Variants in DNAH11 observed in about 807,000 individuals in gnomAD.
DNAH11 encodes dynein axonemal heavy chain 11, also known as axonemal beta dynein heavy chain 11.
A neutral mutation model predicts 526.0 loss-of-function variants in DNAH11; 442 were observed. That is an observed-to-expected ratio of 0.84 (90% confidence interval 0.78 to 0.91). DNAH11 has a LOEUF of 0.91. Ranked by LOEUF, DNAH11 falls within the 40% of genes least tolerant of loss-of-function variation. The pLI is 0.00. For synonymous variants in DNAH11, 2,461 were observed against 1,935.9 expected, an observed-to-expected ratio of 1.27 and a Z score of -7.12; for missense variants, 6,989 against 5,448.7, an observed-to-expected ratio of 1.28 and a Z score of -8.90.
At position 21,840,645 on chromosome 7, in the gene DNAH11, A is replaced by G. The variant is rs544619734; in HGVS notation, c.10692-1899A>G. On this transcript the variant is annotated intron_variant, in intron 65 of 81. Coordinates refer to ENST00000409508, the MANE Select transcript of DNAH11 (RefSeq NM_001277115.2). Reference sequence around the variant, plus strand: ...TAGATCCTCATAGCAGGTTCCTAGCAGGAAAGAGACCATGAAGCTTGTATG... The same window carrying G: ...TAGATCCTCATAGCAGGTTCCTAGCGGGAAAGAGACCATGAAGCTTGTATG... Among the ~76,000 whole-genome samples the G allele has an allele frequency of 2.8e-4, 42 of 152,328 alleles. 2 individuals carry two copies. In the South Asian group the frequency reaches 8.5e-3, roughly 31 times the overall value.
At chr7:21,632,903 G>C (rs995526616) in intron 25 of DNAH11, among the ~76,000 whole-genome samples, 10 of 152,118 alleles carry the variant, frequency 6.6e-5, no homozygotes. Context: ...TCATTTTCAT[G>C]CTGCTGATAA....
intron 58 of DNAH11, among the ~76,000 whole-genome samples, chr7:21,786,184 G>C (rs1378641017): frequency 1.3e-5 from 2 of 152,112 alleles, no homozygotes; most frequent in African/African-American, 4.8e-5. Context: ...ATGTAAGACA[G>C]AAAAACAAAC....
chr7:21,682,033 G>A (rs1437934894), intron 31 of DNAH11, among the ~76,000 whole-genome samples: 1 of 152,158 alleles, frequency 6.6e-6, no homozygotes. Flanking sequence ...ACAGCCAATA[G>A]CAGTAAGATT....
At chr7:21,894,087 C>A (rs1186549413) in intron 77 of DNAH11, among the ~76,000 whole-genome samples, 2 of 152,172 alleles carry the variant, frequency 1.3e-5, no homozygotes, top group East Asian at 3.9e-4. Context: ...CAGAGTTTCA[C>A]CATGTTGGCC....
chr7:21,764,263 TAAAC>T (rs1390950856), intron 54 of DNAH11, among the ~76,000 whole-genome samples: 21 of 124,252 alleles, frequency 1.7e-4, no homozygotes, highest in Admixed American at 1.5e-3. Context: ...GCATATAAAA[TAAAC>T]AATAAAACAC....
Position 21,899,460 on chromosome 7 carries a change from C to A in DNAH11, c.13162+12C>A. The A allele has an allele frequency of 1.9e-6, 3 of 1,596,408 alleles. No homozygotes were observed. Among genetic ancestry groups the A allele is most frequent in the Non-Finnish European group, 2.6e-6 (3 of 1,165,032 alleles). ...GTCCTTCTTAACTGGTAAGGGCTGA[C>A]GCAGTGCAGCCCCTGATGCACACAG... On this transcript the variant is annotated intron_variant, in intron 80 of 81. Coordinates refer to ENST00000409508, the MANE Select transcript of DNAH11 (RefSeq NM_001277115.2).
At chr7:21,669,463 G>A (rs2128468877) in intron 30 of DNAH11, among the ~76,000 whole-genome samples, 1 of 152,238 alleles carries the variant, frequency 6.6e-6, no homozygotes, top group East Asian at 1.9e-4. Flanking sequence ...GAGCCACTGA[G>A]CCTGGTCTTT....
intron 65 of DNAH11, among the ~76,000 whole-genome samples, chr7:21,835,547 T>C (rs550734269): frequency 1.7e-4 from 26 of 152,130 alleles, no homozygotes; most frequent in African/African-American, 6.0e-4. Flanking sequence ...GAAAACAGCT[T>C]CGATAAAATT....
At chr7:21,801,105 A>G (rs777847103) in intron 61 of DNAH11, 32 bp from the exon 62 acceptor site, 2 of 1,578,256 alleles carry the variant, frequency 1.3e-6, no homozygotes, top group South Asian at 1.2e-5. Flanking sequence ...TTAACTAAAA[A>G]TGACTCAAAA....
chr7:21,778,485 C>A (rs11761422), intron 56 of DNAH11, among the ~76,000 whole-genome samples: 42,009 of 152,052 alleles, frequency 0.28, 7,658 homozygotes, highest in Non-Finnish European at 0.4. Flanking sequence ...TAATATGCAG[C>A]CAATTAATCT....
intron 14 of DNAH11, among the ~76,000 whole-genome samples, chr7:21,598,586 AAAATAAATAAATAAAT>A (rs57037889): frequency 6.0e-5 from 9 of 148,836 alleles, no homozygotes; most frequent in South Asian, 2.2e-4. Flanking sequence ...ATGGTATGCA[AAAATAAATAAATAAAT>A]AAATAAATAA....
chr7:21,580,606 T>A, intron 8 of DNAH11, among the ~76,000 whole-genome samples: 1 of 152,176 alleles, frequency 6.6e-6, no homozygotes. Flanking sequence ...AGGTTCAGTG[T>A]CTGGGGAGGG....
intron 45 of DNAH11, among the ~76,000 whole-genome samples, chr7:21,726,559 G>C (rs1481246379): frequency 5.3e-5 from 8 of 151,772 alleles, no homozygotes; most frequent in Admixed American, 5.2e-4. Flanking sequence ...AAGAATCTCA[G>C]CTATAAGAAT....
chr7:21,648,027 A>G (rs1438518507), intron 28 of DNAH11, among the ~76,000 whole-genome samples: 1 of 152,216 alleles, frequency 6.6e-6, no homozygotes, highest in South Asian at 2.1e-4. Flanking sequence ...TTAGCCAATC[A>G]TTAGAAGATG....
At chr7:21,564,828 G>C (rs749084583) in intron 6 of DNAH11, among the ~76,000 whole-genome samples, 1 of 151,860 alleles carries the variant, frequency 6.6e-6, no homozygotes, top group Non-Finnish European at 1.5e-5. Flanking sequence ...AAAAAATTCT[G>C]ATTCATTGCT....
At chr7:21,858,035 G>T (rs1327391452) in intron 68 of DNAH11, among the ~76,000 whole-genome samples, 1 of 151,982 alleles carries the variant, frequency 6.6e-6, no homozygotes, top group African/African-American at 2.4e-5. Context: ...ATAAAACAAA[G>T]AATTTGTATC....
intron 66 of DNAH11, among the ~76,000 whole-genome samples, chr7:21,849,279 C>T (rs1782534082): frequency 6.6e-6 from 1 of 152,222 alleles, no homozygotes; most frequent in Non-Finnish European, 1.5e-5. Flanking sequence ...TCCTTTATAA[C>T]ATTGCTGTCA....
In DNAH11 at chr7:21,613,858, A is replaced by G. The variant is rs190470409; in HGVS notation, c.3853-1256A>G. On this transcript the variant is annotated intron_variant, in intron 20 of 81. Coordinates refer to ENST00000409508, the MANE Select transcript of DNAH11 (RefSeq NM_001277115.2). Reference sequence around the variant, plus strand: ...CTCAGTGCAGCCTCAACCTTCCCTGATCTTACTTAGGTCATTCTCCCACCT... The same window carrying G: ...CTCAGTGCAGCCTCAACCTTCCCTGGTCTTACTTAGGTCATTCTCCCACCT... 2.1e-3 allele frequency among the ~76,000 whole-genome samples: 318 copies of G among 151,908 alleles called. 1 individual carries two copies. Among genetic ancestry groups the G allele is most frequent in the African/African-American group, 7.3e-3 (301 of 41,396 alleles).
intron 8 of DNAH11, among the ~76,000 whole-genome samples, chr7:21,578,278 G>T (rs1784176179): frequency 6.6e-6 from 1 of 152,178 alleles, no homozygotes. Flanking sequence ...TTCCAAATGG[G>T]AGAAATTGGC....
Sources: gnomAD v4.1 joint callset for allele counts (sites outside exome capture counted in the v4.1 genomes callset) on GRCh38, gnomAD v4.1.1 for gene constraint, MANE v1.5 for transcripts, NCBI Gene and HGNC (gene_info 2026-07-23, HGNC 2026-07-21) for gene names.